The following SDHC variants were observed in gnomAD, a reference collection of about 807,000 sequenced individuals.
The protein encoded by SDHC is succinate dehydrogenase cytochrome b560 subunit, mitochondrial.
In SDHC, 11 loss-of-function variants were observed where a neutral mutation model predicts 22.6. The observed-to-expected ratio is 0.49, with a 90% CI of 0.31 to 0.81. The LOEUF (loss-of-function observed/expected upper bound fraction) is 0.81, where lower values mean the gene tolerates loss of function less well. Among genes scored for constraint, SDHC ranks in the 30% least tolerant of loss-of-function variants. The probability of loss-of-function intolerance (pLI) is 0.05; values close to 1 mark genes in which losing one functional copy is unlikely to be tolerated. For missense variants in SDHC, 160 were observed against 212.0 expected (o/e 0.75, Z 1.52); for synonymous variants, 80 against 77.8 (o/e 1.03, Z -0.15).
intron 3 of SDHC, among the ~76,000 whole-genome samples, chr1:161,333,126 A>G (rs1014996376): frequency 4.6e-5 from 7 of 152,218 alleles, no homozygotes; most frequent in Non-Finnish European, 8.8e-5. Flanking sequence ...TTTACTTACC[A>G]TAATGTTTTC....
At chr1:161,347,871 T>TA (rs983717855) in intron 4 of SDHC, among the ~76,000 whole-genome samples, 17 of 151,324 alleles carry the variant, frequency 1.1e-4, no homozygotes, top group South Asian at 4.2e-4. Context: ...TCTCAAAAAA[T>TA]AAAAAAAGAA....
intron 5 of SDHC, among the ~76,000 whole-genome samples, chr1:161,357,322 G>C (rs1312463806): frequency 6.6e-6 from 1 of 152,204 alleles, no homozygotes; most frequent in Non-Finnish European, 1.5e-5. Flanking sequence ...CAGTCCTGCT[G>C]GTGGTGTAGC....
intron 1 of SDHC, 73 bp downstream of exon 1, chr1:161,314,498 G>T: frequency 1.9e-6 from 3 of 1,560,532 alleles, no homozygotes; most frequent in South Asian, 1.1e-5. Flanking sequence ...ACGTTTTGCT[G>T]ATAACTGTTT....
At chr1:161,323,752 A>G (rs947068172) in intron 2 of SDHC, 82 bp downstream of exon 2, 75 of 1,065,652 alleles carry the variant, frequency 7.0e-5, no homozygotes, top group South Asian at 5.9e-4. Context: ...CTGGAGTGCA[A>G]TGGCGCGATC....
intron 5 of SDHC, among the ~76,000 whole-genome samples, chr1:161,357,913 AC>A (rs1390903045): frequency 1.3e-5 from 2 of 151,328 alleles, no homozygotes. Context: ...CAAATAGATT[AC>A]CTTTTCTTAT....
At chr1:161,323,701 T>G in intron 2 of SDHC, 31 bp downstream of exon 2, 1 of 1,522,776 alleles carries the variant, frequency 6.6e-7, no homozygotes. Flanking sequence ...ATTATTTATT[T>G]ATTTTTTTTT....
intron 4 of SDHC, among the ~76,000 whole-genome samples, chr1:161,342,813 C>T (rs1334473969): frequency 2.0e-5 from 3 of 152,268 alleles, no homozygotes; most frequent in African/African-American, 4.8e-5. Flanking sequence ...TATCTTTAAC[C>T]TCATCCTAGG....
chr1:161,345,808 GT>G (rs750488174), intron 4 of SDHC, among the ~76,000 whole-genome samples: 4 of 149,158 alleles, frequency 2.7e-5, no homozygotes, highest in Non-Finnish European at 4.5e-5. Flanking sequence ...TTTTTGTTTT[GT>G]TTTTTGTTTT....
chr1:161,353,378 G>A (rs151304701), intron 4 of SDHC, among the ~76,000 whole-genome samples: 1,901 of 152,196 alleles, frequency 0.012, 36 homozygotes, highest in African/African-American at 0.043. Context: ...TCAGAGCTTT[G>A]TGCTGGCACT....
At chr1:161,342,509 CT>C (rs372507462) in intron 4 of SDHC, among the ~76,000 whole-genome samples, 2,342 of 141,316 alleles carry the variant, frequency 0.017, 37 homozygotes, top group African/African-American at 0.044. Flanking sequence ...CCTGGTATGT[CT>C]TTTTTTTTTT....
At chr1:161,316,069 T>C (rs78370127) in intron 1 of SDHC, among the ~76,000 whole-genome samples, 17,836 of 152,200 alleles carry the variant, frequency 0.12, 1,419 homozygotes, top group African/African-American at 0.22. Context: ...TCTCCAGCCC[T>C]AAGGCGGTTT....
chr1:161,327,720 C>A (rs953361060), intron 2 of SDHC, among the ~76,000 whole-genome samples: 6 of 151,702 alleles, frequency 4.0e-5, no homozygotes, highest in African/African-American at 1.5e-4. Context: ...CGCCAACACA[C>A]CCGGCTAATT....
intron 3 of SDHC, among the ~76,000 whole-genome samples, chr1:161,329,822 A>G (rs72714971): frequency 0.14 from 20,641 of 152,192 alleles, 1,659 homozygotes; most frequent in African/African-American, 0.22. Flanking sequence ...TTTATAGGCC[A>G]TCCACATTCC....
intron 3 of SDHC, among the ~76,000 whole-genome samples, chr1:161,335,838 T>C (rs1671462477): frequency 6.6e-6 from 1 of 152,136 alleles, no homozygotes; most frequent in Non-Finnish European, 1.5e-5. Context: ...TATACATACA[T>C]CTCTGTTTAT....
chr1:161,361,547 A>G (rs1672509706), intron 5 of SDHC, among the ~76,000 whole-genome samples: 1 of 152,138 alleles, frequency 6.6e-6, no homozygotes, highest in African/African-American at 2.4e-5. Context: ...GTGCATTAGT[A>G]AACTGTAAGA....
intron 2 of SDHC, among the ~76,000 whole-genome samples, chr1:161,326,331 C>G (rs574077318): frequency 6.6e-6 from 1 of 152,004 alleles, no homozygotes; most frequent in East Asian, 1.9e-4. Flanking sequence ...GTGGGTTTAT[C>G]CAGCCCACCA....
rs184176780 is a variant in SDHC at position 161,339,430 on chromosome 1, G to A, written c.180-1164G>A. ...TGAACTCCTGAACTCAACGGCCCCC[G>A]CCTTGGCCTCCCAAAGTACTAGGAT... On this transcript the variant is annotated intron_variant, in intron 3 of 5. Coordinates refer to ENST00000367975, the MANE Select transcript of SDHC (RefSeq NM_003001.5). 8 of 308,322 alleles carry A rather than the reference G, an allele frequency of 2.6e-5. No individual in the cohort carries two copies. The East Asian group carries it at 8.4e-4, about 32-fold the overall frequency. 19.1% of individuals were successfully genotyped at this position (308,322 alleles called of 1,614,324 possible).
chr1:161,334,718 T>C (rs1671406719), intron 3 of SDHC, among the ~76,000 whole-genome samples: 1 of 119,546 alleles, frequency 8.4e-6, no homozygotes, highest in South Asian at 3.1e-4. Flanking sequence ...GGATTACGGC[T>C]CACTCCCTCT....
chr1:161,333,821 A>G (rs933523178), intron 3 of SDHC, among the ~76,000 whole-genome samples: 4 of 152,208 alleles, frequency 2.6e-5, no homozygotes, highest in African/African-American at 7.2e-5. Flanking sequence ...CACAACATCC[A>G]TATTTCTACT....
Sources: allele counts gnomAD v4.1 joint callset (sites outside exome capture counted in the v4.1 genomes callset), GRCh38; gene constraint gnomAD v4.1.1; transcripts MANE v1.5; gene names NCBI Gene and HGNC (gene_info 2026-07-23, HGNC 2026-07-21).